The following ZFAT variants were observed in gnomAD, a reference collection of about 807,000 sequenced individuals.
ZFAT encodes the protein zinc finger protein ZFAT.
In ZFAT, 64 loss-of-function variants were observed where a neutral mutation model predicts 117.7. The ratio of observed to expected loss-of-function variants is 0.54; its 90% CI spans 0.44 to 0.67. ZFAT has a LOEUF of 0.67. Among genes scored for constraint, ZFAT ranks in the 30% least tolerant of loss-of-function variants. ZFAT has a pLI of 0.00. For synonymous variants in ZFAT, 679 were observed against 615.0 expected, an observed-to-expected ratio of 1.10 and a Z score of -1.54; for missense variants, 1,433 against 1,584.5, an observed-to-expected ratio of 0.90 and a Z score of 1.62.
chr8:134,492,094 G>A (rs1818096190), intron 15 of ZFAT, among the ~76,000 whole-genome samples: 1 of 151,582 alleles, frequency 6.6e-6, no homozygotes, highest in Non-Finnish European at 1.5e-5. Context: ...AGTAAAAGGA[G>A]TGTTATAAGG....
chr8:134,728,714 C>G, the ZFAT span, among the ~76,000 whole-genome samples: 2 of 152,200 alleles, frequency 1.3e-5, no homozygotes, highest in Admixed American at 6.5e-5. Context: ...TATAGCAGCA[C>G]TCCTGAAGTT....
At chr8:134,817,891 T>C in the ZFAT span, among the ~76,000 whole-genome samples, 2 of 152,134 alleles carry the variant, frequency 1.3e-5, no homozygotes, top group Non-Finnish European at 2.9e-5. Flanking sequence ...AGTCAACTGA[T>C]TATTCACAGG....
intron 3 of ZFAT, 22 bp from the exon 4 acceptor site, chr8:134,610,677 G>A: frequency 6.2e-7 from 1 of 1,611,924 alleles, no homozygotes; most frequent in Non-Finnish European, 8.5e-7. Context: ...ATACCAAGAT[G>A]CATAAGGTAT....
chr8:134,565,689 C>T, intron 10 of ZFAT: 1 of 558,816 alleles, frequency 1.8e-6, no homozygotes. Context: ...CGATCAGGCT[C>T]CTAAAGAAAG....
At chr8:134,692,047 G>A (rs956008220) in intron 1 of ZFAT, among the ~76,000 whole-genome samples, 4 of 152,024 alleles carry the variant, frequency 2.6e-5, no homozygotes, top group African/African-American at 9.7e-5. Flanking sequence ...GTAGAGACAG[G>A]GTTTCTCCAT....
chr8:134,737,236 C>T, the ZFAT span, among the ~76,000 whole-genome samples: 7 of 151,882 alleles, frequency 4.6e-5, no homozygotes, highest in Admixed American at 2.6e-4. Context: ...GCCGAGATCA[C>T]GCCACTGCAC....
intron 1 of ZFAT, among the ~76,000 whole-genome samples, chr8:134,659,022 C>G (rs1831795007): frequency 6.6e-6 from 1 of 152,244 alleles, no homozygotes; most frequent in Non-Finnish European, 1.5e-5. Context: ...GCAATCCACA[C>G]CTGGCTCCCT....
chr8:134,661,486 C>T (rs1831928001), intron 1 of ZFAT, among the ~76,000 whole-genome samples: 1 of 152,096 alleles, frequency 6.6e-6, no homozygotes, highest in Non-Finnish European at 1.5e-5. Context: ...TGCAATGGCC[C>T]CATCACATGG....
At chr8:134,740,598 T>C in the ZFAT span, among the ~76,000 whole-genome samples, 1 of 152,200 alleles carries the variant, frequency 6.6e-6, no homozygotes, top group Non-Finnish European at 1.5e-5. Flanking sequence ...TAAGTGGTGC[T>C]TTGTCCCAAG....
intron 11 of ZFAT, among the ~76,000 whole-genome samples, chr8:134,548,249 T>C (rs1421248776): frequency 6.6e-6 from 1 of 152,222 alleles, no homozygotes; most frequent in Non-Finnish European, 1.5e-5. Context: ...TCTAGCATTA[T>C]GAACAAGTAA....
intron 15 of ZFAT, 139 bp downstream of exon 15, chr8:134,509,480 T>C (rs1819651920): frequency 8.7e-7 from 1 of 1,155,958 alleles, no homozygotes; most frequent in East Asian, 2.7e-5. Flanking sequence ...AGAGGTAGAA[T>C]AAGAAAAGGT....
At chr8:134,682,886 T>A (rs1421966424) in intron 1 of ZFAT, among the ~76,000 whole-genome samples, 1 of 152,070 alleles carries the variant, frequency 6.6e-6, no homozygotes, top group Non-Finnish European at 1.5e-5. Flanking sequence ...CAACCCTACT[T>A]TCAAGGGAGA....
chr8:134,485,723 G>A lies in ZFAT; in HGVS notation c.3493-7002C>T, dbSNP rs372817495. 2.9e-3 allele frequency among the ~76,000 whole-genome samples: 446 copies of A among 151,756 alleles called. 1 individual carries two copies. The highest frequency in any genetic ancestry group is 0.016 in the South Asian group (77 of 4,792). ...TCCCCAGGACATTGAAACAGCCCCA[G>A]GACACATTCAAGGACATCAAAATAT... On this transcript the variant is annotated intron_variant, in intron 15 of 15. Coordinates refer to ENST00000377838, the MANE Select transcript of ZFAT (RefSeq NM_020863.4).
At chr8:134,590,936 C>T (rs542500098) in intron 7 of ZFAT, among the ~76,000 whole-genome samples, 2 of 152,340 alleles carry the variant, frequency 1.3e-5, no homozygotes, top group South Asian at 2.1e-4. Context: ...CATACACCCT[C>T]TACCTGGCGC....
At chr8:134,590,226 AT>A (rs776495885) in intron 8 of ZFAT, 41 bp downstream of exon 8, 1 of 1,485,084 alleles carries the variant, frequency 6.7e-7, no homozygotes, top group East Asian at 2.3e-5. Flanking sequence ...AAACATAAGC[AT>A]TTTTAACATT....
chr8:134,785,336 G>A, the ZFAT span: 1 of 152,054 alleles, frequency 6.6e-6, no homozygotes, highest in Non-Finnish European at 1.5e-5. Flanking sequence ...CTAATATTCA[G>A]TGTCTTTTGT....
At chr8:134,740,880 G>T in the ZFAT span, among the ~76,000 whole-genome samples, 3 of 152,160 alleles carry the variant, frequency 2.0e-5, no homozygotes, top group Non-Finnish European at 2.9e-5. Flanking sequence ...TAAGATGAAA[G>T]GGGCTGTGGC....
chr8:134,494,722 T>C (rs1357338623), intron 15 of ZFAT, among the ~76,000 whole-genome samples: 1 of 152,250 alleles, frequency 6.6e-6, no homozygotes, highest in Non-Finnish European at 1.5e-5. Flanking sequence ...ATAAAGTGTT[T>C]TTATTTTTTG....
intron 7 of ZFAT, among the ~76,000 whole-genome samples, chr8:134,595,500 T>C (rs184779706): frequency 6.6e-6 from 1 of 152,322 alleles, no homozygotes; most frequent in Admixed American, 6.5e-5. Context: ...GCTAAGGATT[T>C]GCCCCAGATC....
Sources: allele counts gnomAD v4.1 joint callset (sites outside exome capture counted in the v4.1 genomes callset), GRCh38; gene constraint gnomAD v4.1.1; transcripts MANE v1.5; gene names NCBI Gene and HGNC (gene_info 2026-07-23, HGNC 2026-07-21).